Variants in IL33 observed in about 807,000 individuals in gnomAD.
IL33 encodes interleukin-33.
Under a neutral mutation model 27.3 loss-of-function variants are expected in IL33, and 37 were observed. The ratio of observed to expected loss-of-function variants is 1.36; its 90% CI spans 1.04 to 1.78. The LOEUF (loss-of-function observed/expected upper bound fraction) is 1.78. Ranked by LOEUF, IL33 falls within the 40% of genes most tolerant of loss-of-function variation. IL33 has a pLI of 0.00. For synonymous variants in IL33, 132 were observed against 102.9 expected (o/e 1.28, Z -1.71); for missense variants, 406 against 311.4 (o/e 1.30, Z -2.29).
intron 2 of IL33, among the ~76,000 whole-genome samples, chr9:6,246,813 A>G (rs989063553): frequency 2.0e-5 from 3 of 152,196 alleles, no homozygotes; most frequent in East Asian, 3.8e-4. Context: ...CAGCCCCTCA[A>G]TCTTGGACTT....
chr9:6,218,238 C>A (rs930132092), intron 1 of IL33, among the ~76,000 whole-genome samples: 2 of 152,132 alleles, frequency 1.3e-5, no homozygotes, highest in African/African-American at 4.8e-5. Flanking sequence ...TTGGTTACTT[C>A]ATAATTGATT....
rs1230153678 is a variant in IL33 at position 6,252,889 on chromosome 9, C to A, written c.367C>A (p.Leu123Ile). 6.2e-7 allele frequency: 1 copy of A among 1,609,224 alleles called. No individual in the cohort carries two copies. Among genetic ancestry groups the A allele is most frequent in the Non-Finnish European group, 8.5e-7 (1 of 1,177,806 alleles). ...AGGAATTTCACCTATTACAGAGTAT[C>A]TTGCTTCTCTAAGCACATACAATGA... Reference protein sequence around the residue: ...ITGISPITEYLASLSTYNDQS... With the variant: ...ITGISPITEYIASLSTYNDQS... Residue 123 changes from leucine (L) to isoleucine (I), a missense_variant, in exon 5 of 8, where the codon CTT (leucine) becomes ATT (isoleucine). Leu to Ile is a conservative substitution (Grantham distance 5, BLOSUM62 2). Transcript: ENST00000682010.
intron 2 of IL33, among the ~76,000 whole-genome samples, chr9:6,247,194 C>T (rs1819908772): frequency 6.6e-6 from 1 of 152,210 alleles, no homozygotes. Flanking sequence ...AAAGTCAAAA[C>T]CCTGAGGAAA....
intron 2 of IL33, 54 bp downstream of exon 2, chr9:6,241,839 A>G: frequency 8.6e-7 from 1 of 1,167,542 alleles, no homozygotes. Flanking sequence ...ATCTGTTATC[A>G]AATATTTATA....
At chr9:6,236,720 AT>A (rs1171976100) in intron 1 of IL33, among the ~76,000 whole-genome samples, 2 of 146,014 alleles carry the variant, frequency 1.4e-5, no homozygotes, top group Non-Finnish European at 3.0e-5. Context: ...TACAAAAAAA[AT>A]TGGCCAGGTG....
intron 7 of IL33, 121 bp downstream of exon 7, chr9:6,254,674 A>G: frequency 2.1e-6 from 1 of 469,150 alleles, no homozygotes; most frequent in Non-Finnish European, 3.7e-6. Flanking sequence ...TTTGTGTGCT[A>G]TTGTATATAA....
At chr9:6,240,601 A>G (rs763726972) in intron 1 of IL33, among the ~76,000 whole-genome samples, 1 of 152,194 alleles carries the variant, frequency 6.6e-6, no homozygotes, top group African/African-American at 2.4e-5. Context: ...GTGCACTTGT[A>G]TTGGGCAATT....
intron 1 of IL33, among the ~76,000 whole-genome samples, chr9:6,220,250 C>T (rs1818352294): frequency 1.3e-5 from 2 of 152,194 alleles, no homozygotes; most frequent in African/African-American, 4.8e-5. Flanking sequence ...TTCCCCTCCA[C>T]TTTGAACATT....
chr9:6,244,738 C>G (rs936305699), intron 2 of IL33, among the ~76,000 whole-genome samples: 3 of 152,134 alleles, frequency 2.0e-5, no homozygotes, highest in South Asian at 2.1e-4. Flanking sequence ...AACTGCTTCT[C>G]AACTCAAAAT....
intron 4 of IL33, among the ~76,000 whole-genome samples, chr9:6,252,036 A>G (rs868510954): frequency 3.3e-4 from 9 of 27,518 alleles, no homozygotes; most frequent in East Asian, 2.8e-3. Context: ...GCTGTCTCAG[A>G]AAAAAAACAA....
chr9:6,247,640 A>G (rs551058740), intron 2 of IL33, among the ~76,000 whole-genome samples: 1 of 152,108 alleles, frequency 6.6e-6, no homozygotes, highest in Admixed American at 6.6e-5. Flanking sequence ...AGAGACATGG[A>G]AAGTGGTAAC....
chr9:6,253,491 T>C (rs1207389525), intron 5 of IL33, 61 bp from the exon 6 acceptor site: 1 of 1,140,814 alleles, frequency 8.8e-7, no homozygotes, highest in Non-Finnish European at 1.3e-6. Context: ...ATGTGTGTGT[T>C]GGAACTGAAA....
At chr9:6,242,398 C>G (rs1819582348) in intron 2 of IL33, 1 of 152,168 alleles carries the variant, frequency 6.6e-6, no homozygotes, top group Non-Finnish European at 1.5e-5. Flanking sequence ...TGAAGCAAAT[C>G]TGATTTTCAA....
At chr9:6,232,434 G>C (rs574179780) in intron 1 of IL33, among the ~76,000 whole-genome samples, 1 of 152,188 alleles carries the variant, frequency 6.6e-6, no homozygotes, top group South Asian at 2.1e-4. Flanking sequence ...TTTCTTGACA[G>C]ATTAAAATCT....
At chr9:6,241,920 C>T (rs1819550534) in intron 2 of IL33, 135 bp downstream of exon 2, 3 of 661,962 alleles carry the variant, frequency 4.5e-6, no homozygotes, top group South Asian at 4.4e-5. Context: ...AAAGAGATGG[C>T]ACATAAGGGT....
intron 7 of IL33, among the ~76,000 whole-genome samples, chr9:6,254,916 G>C (rs1816641564): frequency 6.6e-6 from 1 of 152,060 alleles, no homozygotes. Context: ...CTGTTACATA[G>C]AATGATCTCA....
upstream of IL33, among the ~76,000 whole-genome samples, chr9:6,215,200 G>A (rs1235437627): frequency 6.6e-6 from 1 of 152,162 alleles, no homozygotes; most frequent in African/African-American, 2.4e-5. Flanking sequence ...AATTTCTCAT[G>A]AGGTAAGAAG....
chr9:6,241,760 C>G lies in IL33; in HGVS notation c.66C>G (p.Ser22Arg). Residue 22 changes from serine (S) to arginine (R), a missense_variant, in exon 2 of 8, where the codon AGC becomes AGG. Ser to Arg is a moderately radical substitution (Grantham distance 110). Coordinates refer to ENST00000682010, the MANE Select transcript of IL33 (RefSeq NM_033439.4). ...ISTAKWKNTA[S>R]KALCFKLGKS... ...CAGCAAAGTGGAAGAACACAGCAAG[C>G]AAAGCCTTGTGTTTCAAGCTGGGAA... 1 of 1,610,852 alleles carries G rather than the reference C, an allele frequency of 6.2e-7. No individual in the cohort carries two copies. Among genetic ancestry groups the G allele is most frequent in the Non-Finnish European group, 8.5e-7 (1 of 1,178,156 alleles).
At chr9:6,222,683 A>G (rs560186070) in intron 1 of IL33, among the ~76,000 whole-genome samples, 7 of 152,360 alleles carry the variant, frequency 4.6e-5, no homozygotes, top group African/African-American at 1.4e-4. Flanking sequence ...ACAATTTAGC[A>G]CATGGAATCC....
Sources: gnomAD v4.1 joint callset for allele counts (sites outside exome capture counted in the v4.1 genomes callset) on GRCh38, gnomAD v4.1.1 for gene constraint, MANE v1.5 for transcripts, NCBI Gene and HGNC (gene_info 2026-07-23, HGNC 2026-07-21) for gene names.